The following NFYC variants were observed in gnomAD, a reference collection of about 807,000 sequenced individuals.
The protein encoded by NFYC is CAAT box DNA-binding protein subunit C.
A neutral mutation model predicts 53.1 loss-of-function variants in NFYC; 25 were observed. The observed-to-expected ratio is 0.47, with a 90% confidence interval of 0.34 to 0.66. The LOEUF (loss-of-function observed/expected upper bound fraction) is 0.66. Among genes scored for constraint, NFYC ranks in the 30% least tolerant of loss-of-function variants. NFYC has a pLI of 0.01. For missense variants in NFYC, 260 were observed against 422.7 expected, an observed-to-expected ratio of 0.62 and a Z score of 3.38; for synonymous variants, 145 against 152.6, an observed-to-expected ratio of 0.95 and a Z score of 0.37.
intron 1 of NFYC, among the ~76,000 whole-genome samples, chr1:40,733,997 C>T (rs1644899353): frequency 6.6e-6 from 1 of 152,136 alleles, no homozygotes; most frequent in South Asian, 2.1e-4. Flanking sequence ...TCCTCCACCT[C>T]AGCCTCCCAA....
In NFYC at chr1:40,738,943, A is replaced by G. The variant is rs199763341; in HGVS notation, c.100A>G (p.Thr34Ala). Reference sequence around the variant, plus strand: ...GGTCATGGAAGAAATCCGGAATTTAACAGTGGTGAGGAAGAATGAGAAACT... The same window carrying G: ...GGTCATGGAAGAAATCCGGAATTTAGCAGTGGTGAGGAAGAATGAGAAACT... ...PRVMEEIRNL[T>A]VKDFRVQELP... Residue 34 changes from threonine to alanine, a missense_variant, in exon 2 of 10, where the codon ACA (threonine) becomes GCA (alanine). By Grantham distance (58) the Thr-to-Ala change is moderately conservative. Coordinates refer to ENST00000447388, the MANE Select transcript of NFYC (RefSeq NM_014223.5). 497 of 1,609,132 alleles carry G rather than the reference A, an allele frequency of 3.1e-4. No homozygotes were observed. The highest frequency in any genetic ancestry group is 1.5e-4 in the Admixed American group (9 of 60,006).
rs1225270042 is a variant in NFYC, at chr1:40,753,086, G to T, written c.292-65G>T. 4 of 1,189,272 alleles carry T rather than the reference G, an allele frequency of 3.4e-6. No homozygotes were observed. The Admixed American group carries it at 5.2e-5, about 16-fold the overall frequency. 73.7% of individuals were successfully genotyped at this position (1,189,272 alleles called of 1,614,324 possible). A position where few individuals can be genotyped will look rare whatever the true frequency, so the allele number is the denominator to read the frequency against. ...AAAGTCGTCTTACCTTACTTGGAGG[G>T]TATAAAGCCAAGTGAACTAGTTTCT... On this transcript the variant is annotated intron_variant, in intron 4 of 9. Transcript: ENST00000447388.
intron 8 of NFYC, chr1:40,769,144 G>T: frequency 1.8e-6 from 1 of 561,030 alleles, no homozygotes. Flanking sequence ...ATGTGCTCCA[G>T]GATTCTCGAT....
intron 3 of NFYC, 114 bp from the exon 4 acceptor site, chr1:40,749,459 C>G (rs1645792060): frequency 3.9e-6 from 3 of 761,594 alleles, no homozygotes; most frequent in African/African-American, 1.7e-5. Context: ...CTTGAGTATA[C>G]CACCTCATTT....
At chr1:40,750,680 C>T (rs1335000719) in intron 4 of NFYC, among the ~76,000 whole-genome samples, 3 of 152,102 alleles carry the variant, frequency 2.0e-5, no homozygotes, top group African/African-American at 7.2e-5. Flanking sequence ...GTCTGTGGAT[C>T]CAGAGAGATC....
At chr1:40,769,460 G>A (rs1557948932) in intron 9 of NFYC, 45 bp downstream of exon 9, 2 of 1,569,770 alleles carry the variant, frequency 1.3e-6, no homozygotes, top group South Asian at 2.2e-5. Context: ...GGATTTGCGG[G>A]GCAGGGTAGC....
chr1:40,749,652 T>C lies in NFYC; in HGVS notation c.257T>C (p.Ile86Thr). 2 of 1,614,146 alleles carry C rather than the reference T, an allele frequency of 1.2e-6. No individual in the cohort carries two copies. The highest frequency in any genetic ancestry group is 1.7e-6 in the Non-Finnish European group (2 of 1,179,998). Residue 86 changes from isoleucine to threonine, a missense_variant, in exon 4 of 10, where the codon ATT becomes ACT. Transcript: ENST00000447388. ...FITELTLRAW[I>T]HTEDNKRRTL... ...ACAGAGTTGACTCTTCGAGCCTGGA[T>C]TCACACAGAAGATAACAAGCGCCGG...
chr1:40,695,152 T>C (rs1363968938), intron 1 of NFYC, among the ~76,000 whole-genome samples: 1 of 152,064 alleles, frequency 6.6e-6, no homozygotes, highest in African/African-American at 2.4e-5. Flanking sequence ...GGCAGGAGAA[T>C]TGCTGGAACC....
At chr1:40,762,812 T>TCGTTATTA in intron 6 of NFYC, 76 bp from the exon 7 acceptor site, 1 of 1,373,470 alleles carries the variant, frequency 7.3e-7, no homozygotes. Flanking sequence ...AGCACATTGC[T>TCGTTATTA]CGTTATTAAC....
At chr1:40,741,738 G>A (rs1194882460) in intron 2 of NFYC, among the ~76,000 whole-genome samples, 1 of 151,694 alleles carries the variant, frequency 6.6e-6, no homozygotes, top group Non-Finnish European at 1.5e-5. Flanking sequence ...GAGTAGCTGA[G>A]ACTACAGGTG....
chr1:40,757,641 C>A (rs1042386426), intron 5 of NFYC, among the ~76,000 whole-genome samples: 1 of 152,202 alleles, frequency 6.6e-6, no homozygotes, highest in African/African-American at 2.4e-5. Flanking sequence ...GCCCTGTTTC[C>A]CATTAACCTG....
At chr1:40,754,156 C>T (rs1646076134) in intron 5 of NFYC, among the ~76,000 whole-genome samples, 1 of 152,028 alleles carries the variant, frequency 6.6e-6, no homozygotes, top group Non-Finnish European at 1.5e-5. Flanking sequence ...AGTATATTAT[C>T]CTTAGAAGCA....
At chr1:40,692,530 C>A (rs1264975917) in intron 1 of NFYC, among the ~76,000 whole-genome samples, 1 of 152,096 alleles carries the variant, frequency 6.6e-6, no homozygotes, top group Non-Finnish European at 1.5e-5. Flanking sequence ...GCTAATGTGA[C>A]CCAGTTTGGA....
chr1:40,702,838 A>T (rs1014579723), intron 1 of NFYC, among the ~76,000 whole-genome samples: 1 of 151,834 alleles, frequency 6.6e-6, no homozygotes, highest in African/African-American at 2.4e-5. Context: ...GTTTTTTGAG[A>T]TGGAGTCTCA....
Position 40,767,718 on chromosome 1 carries a change from G to A in NFYC, c.828+1015G>A, listed in dbSNP as rs538583999. Among the ~76,000 whole-genome samples, 5 of 152,330 alleles carry A rather than the reference G, an allele frequency of 3.3e-5. No homozygotes were observed. The South Asian group carries it at 1.0e-3, about 32-fold the overall frequency. The stretch of plus-strand genomic sequence containing the variant: ...GGGCTGGGCACAGTGGGTCACGCCT[G>A]TAATCCCAGCACTTTGGGAGGGAGG... On this transcript the variant is annotated intron_variant, in intron 8 of 9. Transcript: ENST00000447388.
chr1:40,738,323 G>A (rs571547728), intron 1 of NFYC, among the ~76,000 whole-genome samples: 88 of 152,262 alleles, frequency 5.8e-4, no homozygotes, highest in African/African-American at 2.1e-3. Context: ...ATGCACCTTT[G>A]TGCCCAGCTT....
rs192136968 is a variant in NFYC, at chr1:40,744,227, G to A, written c.106-3307G>A. On this transcript the variant is annotated intron_variant, in intron 2 of 9. Transcript: ENST00000447388. Reference sequence around the variant, plus strand: ...GATCTAGGTAGCACACTCCTTATGAGAATCTAATGCCCACCCTGCCCATCT... The same window carrying A: ...GATCTAGGTAGCACACTCCTTATGAAAATCTAATGCCCACCCTGCCCATCT... Among the ~76,000 whole-genome samples the A allele has an allele frequency of 4.7e-3, 716 of 152,310 alleles. 2 individuals carry two copies. The highest frequency in any genetic ancestry group is 0.014 in the Middle Eastern group (4 of 294).
chr1:40,738,824 G>GTTTA lies in NFYC; in HGVS notation c.-8-8_-8-5dup. 6.3e-7 allele frequency: 1 copy of GTTTA among 1,598,098 alleles called. No homozygotes were observed. The highest frequency in any genetic ancestry group is 1.3e-5 in the African/African-American group (1 of 74,754). On this transcript the variant is annotated splice_polypyrimidine_tract_variant and intron_variant, in intron 1 of 9. Transcript: ENST00000447388. ...TGTTTCTAATGTGTCTTATGTATGT[G>GTTTA]TTTATTTTCAGTTGTCGAGATGTCC...
chr1:40,770,070 G>C lies in NFYC; in HGVS notation c.889-639G>C, dbSNP rs1647010650. 6.6e-6 allele frequency among the ~76,000 whole-genome samples: 1 copy of C among 152,142 alleles called. No individual in the cohort carries two copies. The highest frequency in any genetic ancestry group is 1.5e-5 in the Non-Finnish European group (1 of 68,024). ...GCTTACATGCCAGGGCTCCCATGAG[G>C]GCTTGGCTTTTGGCTTCTTTGGGGA... On this transcript the variant is annotated intron_variant, in intron 9 of 9. Transcript: ENST00000447388. The surrounding 1 kb of genome is among the most constrained non-coding windows in gnomAD (Gnocchi z 5.3).
Sources: gnomAD v4.1 joint callset for allele counts (sites outside exome capture counted in the v4.1 genomes callset) on GRCh38, gnomAD v4.1.1 for gene constraint, Gnocchi (gnomAD v3.1) non-coding constraint, MANE v1.5 for transcripts, NCBI Gene and HGNC (gene_info 2026-07-23, HGNC 2026-07-21) for gene names.